Variants in AGBL1 observed in about 807,000 individuals in gnomAD.
AGBL1 encodes the protein cytosolic carboxypeptidase 4.
In AGBL1, 130 loss-of-function variants were observed where a neutral mutation model predicts 118.9. The observed-to-expected ratio is 1.09, with a 90% confidence interval of 0.95 to 1.26. The LOEUF is 1.26. Among genes scored for constraint, AGBL1 ranks in the 50% most tolerant of loss-of-function variants. The pLI is 0.00. For missense variants in AGBL1, 1,584 were observed against 1,298.1 expected (o/e 1.22, Z -3.38); for synonymous variants, 555 against 478.9 (o/e 1.16, Z -2.08).
chr15:86,122,785 G>C (rs905491267), intron 1 of AGBL1, among the ~76,000 whole-genome samples: 2 of 152,122 alleles, frequency 1.3e-5, no homozygotes, highest in African/African-American at 4.8e-5. Context: ...TAATCTGAAA[G>C]ACTAGTTCAG....
At chr15:86,392,042 A>T (rs1332972818) in intron 17 of AGBL1, among the ~76,000 whole-genome samples, 1 of 152,040 alleles carries the variant, frequency 6.6e-6, no homozygotes, top group Non-Finnish European at 1.5e-5. Flanking sequence ...TTGACATATG[A>T]TTGTTATTCT....
Position 86,801,372 on chromosome 15 carries a change from A to G in AGBL1, c.3159-105715A>G, listed in dbSNP as rs77213526. On this transcript the variant is annotated intron_variant, in intron 22 of 22. Coordinates refer to ENST00000614907, the MANE Select transcript of AGBL1 (RefSeq NM_001386094.1). The stretch of plus-strand genomic sequence containing the variant: ...ATCTATCTATATTAAAGCCTTCTTA[A>G]AAGCCCCTCAGAAACTTACTCATCC... 1.6e-3 allele frequency among the ~76,000 whole-genome samples: 237 copies of G among 149,992 alleles called. 9 individuals carry two copies. The East Asian group carries it at 0.04, about 25-fold the overall frequency.
chr15:86,753,731 A>G (rs1386521130), intron 22 of AGBL1, among the ~76,000 whole-genome samples: 1 of 152,044 alleles, frequency 6.6e-6, no homozygotes, highest in East Asian at 1.9e-4. Context: ...AATCATGTCT[A>G]GGTCTGAAGA....
At chr15:86,792,148 G>A (rs759939329) in intron 22 of AGBL1, among the ~76,000 whole-genome samples, 1 of 152,096 alleles carries the variant, frequency 6.6e-6, no homozygotes, top group African/African-American at 2.4e-5. Flanking sequence ...TCTGAAGTAG[G>A]CCTGTCCTAA....
chr15:86,832,447 G>C (rs1302246990), intron 22 of AGBL1, among the ~76,000 whole-genome samples: 1 of 152,058 alleles, frequency 6.6e-6, no homozygotes, highest in African/African-American at 2.4e-5. Flanking sequence ...ACTATTAACA[G>C]TACCCTAGTC....
chr15:86,566,714 G>A lies in AGBL1; in HGVS notation c.2994+12177G>A, dbSNP rs543623319. On this transcript the variant is annotated intron_variant, in intron 21 of 22. Coordinates refer to ENST00000614907, the MANE Select transcript of AGBL1 (RefSeq NM_001386094.1). ...AGAATTGCCTCTGTATCAGGATACA[G>A]ACACACACACACACAGATTCTTTCT... Among the ~76,000 whole-genome samples, 4 of 151,846 alleles carry A rather than the reference G, an allele frequency of 2.6e-5. No individual in the cohort carries two copies. The South Asian group carries it at 8.3e-4, about 32-fold the overall frequency.
At chr15:86,713,275 G>A (rs913245515) in intron 22 of AGBL1, among the ~76,000 whole-genome samples, 5 of 152,086 alleles carry the variant, frequency 3.3e-5, no homozygotes, top group Non-Finnish European at 7.4e-5. Flanking sequence ...GAGTTTTACT[G>A]GGGAAAAAAA....
intron 22 of AGBL1, among the ~76,000 whole-genome samples, chr15:86,818,360 A>C (rs2078894499): frequency 6.6e-6 from 1 of 152,168 alleles, no homozygotes; most frequent in African/African-American, 2.4e-5. Context: ...CTGTCAGATA[A>C]GCGGCAGCAT....
intron 22 of AGBL1, among the ~76,000 whole-genome samples, chr15:86,819,119 G>A (rs1596513912): frequency 6.6e-6 from 1 of 151,896 alleles, no homozygotes; most frequent in East Asian, 1.9e-4. Context: ...TTTGTCCACA[G>A]GGAGCAGAAA....
chr15:86,399,970 A>G (rs1028305426), intron 18 of AGBL1, among the ~76,000 whole-genome samples: 1 of 152,196 alleles, frequency 6.6e-6, no homozygotes, highest in Non-Finnish European at 1.5e-5. Context: ...TCATAGTGTT[A>G]TTCTACTGAA....
At chr15:86,525,077 A>C (rs193288668) in intron 19 of AGBL1, among the ~76,000 whole-genome samples, 1 of 152,144 alleles carries the variant, frequency 6.6e-6, no homozygotes, top group Non-Finnish European at 1.5e-5. Context: ...ATCAATGTAC[A>C]CTAATCAATA....
chr15:86,717,895 T>A (rs2086661500), intron 22 of AGBL1, among the ~76,000 whole-genome samples: 1 of 152,040 alleles, frequency 6.6e-6, no homozygotes, highest in Non-Finnish European at 1.5e-5. Flanking sequence ...CTGACCAACA[T>A]GGTGAAACCC....
intron 22 of AGBL1, among the ~76,000 whole-genome samples, chr15:86,886,083 T>C (rs2079966279): frequency 6.6e-6 from 1 of 152,212 alleles, no homozygotes; most frequent in Non-Finnish European, 1.5e-5. Flanking sequence ...ATCCACCCCA[T>C]CCTGCAAGTT....
At chr15:86,956,526 A>G (rs947022499) in intron 23 of AGBL1, among the ~76,000 whole-genome samples, 3 of 152,132 alleles carry the variant, frequency 2.0e-5, no homozygotes, top group African/African-American at 4.8e-5. Context: ...CAAAATTTCT[A>G]TTGTAGACTT....
At chr15:86,959,209 C>T (rs1366756224) in intron 23 of AGBL1, among the ~76,000 whole-genome samples, 2 of 152,030 alleles carry the variant, frequency 1.3e-5, no homozygotes, top group Non-Finnish European at 2.9e-5. Context: ...TCTTATTGCT[C>T]TCTGTTTTTA....
intron 22 of AGBL1, among the ~76,000 whole-genome samples, chr15:86,892,911 C>G (rs2080071128): frequency 6.6e-6 from 1 of 152,150 alleles, no homozygotes; most frequent in South Asian, 2.1e-4. Context: ...GGTGAGCATA[C>G]TCAGTGTGTC....
chr15:86,785,367 T>G (rs553514477), intron 22 of AGBL1, among the ~76,000 whole-genome samples: 41 of 138,924 alleles, frequency 3.0e-4, no homozygotes, highest in East Asian at 2.2e-3. Flanking sequence ...GTTCTTTTTT[T>G]TTTTTTTTTT....
intron 23 of AGBL1, among the ~76,000 whole-genome samples, chr15:86,925,710 TTTTTC>T (rs1366334013): frequency 1.3e-5 from 2 of 148,236 alleles, no homozygotes; most frequent in East Asian, 2.0e-4. Flanking sequence ...TTTCTTTTTC[TTTTTC>T]TTTTCTTTTT....
intron 1 of AGBL1, among the ~76,000 whole-genome samples, chr15:86,118,914 AG>A (rs1291376298): frequency 6.6e-6 from 1 of 152,228 alleles, no homozygotes; most frequent in African/African-American, 2.4e-5. Flanking sequence ...CTTACCAGAC[AG>A]GGTACCAGGA....
Sources: allele counts gnomAD v4.1 joint callset (sites outside exome capture counted in the v4.1 genomes callset), GRCh38; gene constraint gnomAD v4.1.1; transcripts MANE v1.5; gene names NCBI Gene and HGNC (gene_info 2026-07-23, HGNC 2026-07-21).